ESRRB: variants seen among roughly 807,000 people sequenced by gnomAD.
The protein encoded by ESRRB is steroid hormone receptor ERR2.
Under a neutral mutation model 46.0 loss-of-function variants are expected in ESRRB, and 16 were observed. The ratio of observed to expected loss-of-function variants is 0.35; its 90% CI spans 0.24 to 0.53. ESRRB has a LOEUF of 0.53. ESRRB is among the 20% of genes least tolerant of loss of function. The probability of loss-of-function intolerance (pLI) is 0.93; values close to 1 mark genes in which losing one functional copy is unlikely to be tolerated. For missense variants in ESRRB, 488 were observed against 607.4 expected, an observed-to-expected ratio of 0.80 and a Z score of 2.07; for synonymous variants, 246 against 259.6, an observed-to-expected ratio of 0.95 and a Z score of 0.50.
intron 1 of ESRRB, among the ~76,000 whole-genome samples, chr14:76,317,057 C>T (rs1883809208): frequency 1.3e-5 from 2 of 152,266 alleles, no homozygotes; most frequent in South Asian, 4.1e-4. Context: ...TGTCTGCTTC[C>T]ATTAGCACAG....
At chr14:76,465,257 C>G (rs1889056844) in intron 3 of ESRRB, among the ~76,000 whole-genome samples, 1 of 152,170 alleles carries the variant, frequency 6.6e-6, no homozygotes, top group African/African-American at 2.4e-5. Context: ...TGTTCAGTGC[C>G]TGCTCCCCAT....
At chr14:76,436,779 ATTC>A (rs2139926535) in intron 1 of ESRRB, among the ~76,000 whole-genome samples, 1 of 152,142 alleles carries the variant, frequency 6.6e-6, no homozygotes, top group South Asian at 2.1e-4. Flanking sequence ...CCTGGAGGAG[ATTC>A]TCAACCAGGG....
At position 76,499,228 on chromosome 14, in the gene ESRRB, T is replaced by C; in HGVS notation, c.*770T>C. The C allele has an allele frequency of 3.8e-6, 1 of 261,156 alleles. No individual in the cohort carries two copies. The highest frequency in any genetic ancestry group is 7.5e-6 in the Non-Finnish European group (1 of 133,344). 16.2% of individuals were successfully genotyped at this position (261,156 alleles called of 1,614,324 possible). ...AGTGGGTTCAGCCAGCCACAGCGAC[T>C]CCAGGGGCTGTAGACAGGAACGCGC... On this transcript the variant is annotated 3_prime_UTR_variant, in exon 7 of 7. Transcript: ENST00000644823.
rs1048704811 is a variant in ESRRB at position 76,452,643 on chromosome 14, C to A, written c.461-9902C>A. 3.8e-3 allele frequency among the ~76,000 whole-genome samples: 356 copies of A among 94,326 alleles called. 10 individuals are homozygous for A. The highest frequency in any genetic ancestry group is 0.019 in the African/African-American group (334 of 17,784). The allele number at this position is 94,326 out of a possible 152,430, so 61.9% of individuals were successfully genotyped here. A position where few individuals can be genotyped will look rare whatever the true frequency, so the allele number is the denominator to read the frequency against. On this transcript the variant is annotated intron_variant, in intron 2 of 6. Transcript: ENST00000644823. ...TCCAAAAAAAAAAACAAAACAAAAA[C>A]AAAACAAAACAAAAAAAAAGGTGGA...
intron 3 of ESRRB, among the ~76,000 whole-genome samples, chr14:76,477,076 A>C (rs935639770): frequency 2.6e-5 from 4 of 152,226 alleles, no homozygotes; most frequent in African/African-American, 9.7e-5. Flanking sequence ...TGGGCCACAG[A>C]GTGAGAGTCT....
rs1886016055 is a variant in ESRRB at position 76,403,189 on chromosome 14, T to G, written c.50+26738T>G. ...GATCTCATTTAATCTTTTCAACCAC[T>G]TTTTGCATTAGGAACTAGTGTCTCA... On this transcript the variant is annotated intron_variant, in intron 1 of 6. Transcript: ENST00000644823. Among the ~76,000 whole-genome samples, 3 of 152,182 alleles carry G rather than the reference T, an allele frequency of 2.0e-5. No individual in the cohort carries two copies. The South Asian group carries it at 6.2e-4, about 32-fold the overall frequency.
At chr14:76,443,289 C>T (rs1213985717) in intron 2 of ESRRB, among the ~76,000 whole-genome samples, 2 of 152,114 alleles carry the variant, frequency 1.3e-5, no homozygotes, top group South Asian at 2.1e-4. Flanking sequence ...TTTTGAGCAT[C>T]GTCTTTATCA....
chr14:76,470,189 A>G (rs1359978489), intron 3 of ESRRB, among the ~76,000 whole-genome samples: 1 of 152,072 alleles, frequency 6.6e-6, no homozygotes, highest in African/African-American at 2.4e-5. Flanking sequence ...ACCTCAGGTG[A>G]TCCACCTGCC....
At chr14:76,457,312 C>T (rs1215032449) in intron 2 of ESRRB, among the ~76,000 whole-genome samples, 1 of 152,122 alleles carries the variant, frequency 6.6e-6, no homozygotes, top group Non-Finnish European at 1.5e-5. Context: ...TGGCTAGCCT[C>T]GGATCCAACA....
intron 1 of ESRRB, among the ~76,000 whole-genome samples, chr14:76,327,495 T>TGAC: frequency 6.6e-6 from 1 of 152,110 alleles, no homozygotes; most frequent in South Asian, 2.1e-4. Flanking sequence ...ATAATGATGA[T>TGAC]GATGATGATG....
chr14:76,316,181 T>C (rs1286765258), intron 1 of ESRRB, among the ~76,000 whole-genome samples: 1 of 152,204 alleles, frequency 6.6e-6, no homozygotes, highest in African/African-American at 2.4e-5. Flanking sequence ...ACTCCATCAC[T>C]GGAGTTCCTG....
intron 1 of ESRRB, among the ~76,000 whole-genome samples, chr14:76,429,991 CCTTCCTGT>C (rs1478405669): frequency 1.3e-5 from 2 of 152,064 alleles, no homozygotes; most frequent in East Asian, 3.9e-4. Context: ...TGCCTTCCTG[CCTTCCTGT>C]CTGCCTCCCT....
chr14:76,436,941 G>T (rs923179259), intron 1 of ESRRB, among the ~76,000 whole-genome samples: 1 of 152,120 alleles, frequency 6.6e-6, no homozygotes, highest in Non-Finnish European at 1.5e-5. Flanking sequence ...TTTTATCTTT[G>T]TGTCTGTAGC....
At chr14:76,328,457 C>T (rs554553544) in intron 1 of ESRRB, among the ~76,000 whole-genome samples, 104 of 152,270 alleles carry the variant, frequency 6.8e-4, no homozygotes, top group African/African-American at 2.2e-3. Context: ...ACACAAGTGC[C>T]GCAGGCAGCC....
intron 1 of ESRRB, among the ~76,000 whole-genome samples, chr14:76,351,986 T>TAAAAAAAAAAAAAAAAAAAAAAAAAAA (rs201356393): frequency 2.2e-5 from 2 of 91,792 alleles, no homozygotes; most frequent in Non-Finnish European, 4.1e-5. Flanking sequence ...CCCAGTCTCT[T>TAAAAAAAAAAAAAAAAAAAAAAAAAAA]AAAAAAAAAA....
chr14:76,367,851 T>C (rs1017694587), upstream of ESRRB, among the ~76,000 whole-genome samples: 1 of 152,126 alleles, frequency 6.6e-6, no homozygotes, highest in African/African-American at 2.4e-5. Flanking sequence ...CCTTGTCCCA[T>C]GTTTCTCCCC....
intron 1 of ESRRB, among the ~76,000 whole-genome samples, chr14:76,358,050 G>A (rs11627949): frequency 6.6e-6 from 1 of 151,758 alleles, no homozygotes; most frequent in East Asian, 1.9e-4. Context: ...GGTGGCTCTC[G>A]CCTGTAATCC....
chr14:76,395,549 G>A (rs370507104), intron 1 of ESRRB, among the ~76,000 whole-genome samples: 3 of 152,094 alleles, frequency 2.0e-5, no homozygotes, highest in East Asian at 1.9e-4. Context: ...GTACCCTGGG[G>A]CAAGTCACCT....
At chr14:76,442,681 G>A (rs1222630592) in intron 2 of ESRRB, among the ~76,000 whole-genome samples, 2 of 151,460 alleles carry the variant, frequency 1.3e-5, no homozygotes, top group Non-Finnish European at 2.9e-5. Flanking sequence ...TGAAAACAAC[G>A]GACACATTTA....
Sources: allele counts gnomAD v4.1 joint callset (sites outside exome capture counted in the v4.1 genomes callset), GRCh38; gene constraint gnomAD v4.1.1; transcripts MANE v1.5; gene names NCBI Gene and HGNC (gene_info 2026-07-23, HGNC 2026-07-21).